Variants in PLBD1 observed in about 807,000 individuals in gnomAD.
PLBD1 encodes the protein phospholipase B domain containing 1.
PLBD1 carries 60 observed loss-of-function variants against 63.0 expected under a neutral mutation model. The observed-to-expected ratio is 0.95, with a 90% CI of 0.77 to 1.18. PLBD1 has a LOEUF of 1.18. Among genes scored for constraint, PLBD1 ranks in the 50% most tolerant of loss-of-function variants. PLBD1 has a pLI of 0.00. For synonymous variants in PLBD1, 262 were observed against 248.0 expected, an observed-to-expected ratio of 1.06 and a Z score of -0.53; for missense variants, 598 against 677.9, an observed-to-expected ratio of 0.88 and a Z score of 1.31.
At chr12:14,541,386 AGTT>A (rs1176128691) in intron 3 of PLBD1, among the ~76,000 whole-genome samples, 4 of 152,352 alleles carry the variant, frequency 2.6e-5, no homozygotes, top group South Asian at 2.1e-4. Flanking sequence ...ATTCCGTTTC[AGTT>A]GTTATTAGTA....
At chr12:14,536,836 C>A (rs1054694136) in intron 4 of PLBD1, 126 bp from the exon 5 acceptor site, 14 of 1,303,170 alleles carry the variant, frequency 1.1e-5, no homozygotes, top group Non-Finnish European at 1.4e-5. Context: ...CGCCTGTAAT[C>A]CCAGCACTTT....
intron 6 of PLBD1, among the ~76,000 whole-genome samples, chr12:14,517,260 C>T (rs531991955): frequency 1.3e-5 from 2 of 152,254 alleles, no homozygotes; most frequent in South Asian, 4.1e-4. Flanking sequence ...GATCCTCCCA[C>T]CAGGCCTCCT....
chr12:14,537,267 G>A (rs1031672945), intron 4 of PLBD1, among the ~76,000 whole-genome samples: 2 of 152,074 alleles, frequency 1.3e-5, no homozygotes, highest in African/African-American at 4.8e-5. Flanking sequence ...GTAAAACAGA[G>A]CTTTCTGTTT....
chr12:14,514,512 A>G (rs569207398), intron 6 of PLBD1, among the ~76,000 whole-genome samples: 1 of 152,354 alleles, frequency 6.6e-6, no homozygotes, highest in South Asian at 2.1e-4. Context: ...CTTTCATTTA[A>G]AGGCAAGATT....
intron 4 of PLBD1, among the ~76,000 whole-genome samples, chr12:14,538,432 G>C (rs1592003712): frequency 6.6e-6 from 1 of 152,124 alleles, no homozygotes; most frequent in East Asian, 1.9e-4. Flanking sequence ...GACCTCAGGT[G>C]ATCCACCCAC....
intron 1 of PLBD1, among the ~76,000 whole-genome samples, chr12:14,554,438 C>T (rs932676232): frequency 3.3e-5 from 5 of 152,140 alleles, no homozygotes; most frequent in African/African-American, 1.2e-4. Flanking sequence ...ATCCTGTGAC[C>T]CAACAGAGCT....
rs959565207 is a variant in PLBD1 at position 14,566,366 on chromosome 12, T to C, written c.115+1216A>G. On this transcript the variant is annotated intron_variant, in intron 1 of 10. Transcript: ENST00000240617. ...GAAGGCTCTTGATGATGGAAGGTAG[T>C]GTAATAAGAATCAGTACACATATTT... Among the ~76,000 whole-genome samples, 5 of 152,278 alleles carry C rather than the reference T, an allele frequency of 3.3e-5. No individual in the cohort carries two copies. In the South Asian group the frequency reaches 6.2e-4, roughly 19 times the overall value.
chr12:14,516,814 G>A (rs545979794), intron 6 of PLBD1, among the ~76,000 whole-genome samples: 6 of 152,152 alleles, frequency 3.9e-5, no homozygotes, highest in Middle Eastern at 3.4e-3. Flanking sequence ...AGAGGAGGGC[G>A]GATCACCTGA....
At chr12:14,534,574 C>CGCCCA (rs1210788725) in intron 6 of PLBD1, among the ~76,000 whole-genome samples, 103 of 145,680 alleles carry the variant, frequency 7.1e-4, no homozygotes, top group Non-Finnish European at 1.4e-3. Context: ...GACGGAGTCT[C>CGCCCA]GCTCTGTCGC....
intron 6 of PLBD1, among the ~76,000 whole-genome samples, chr12:14,521,877 T>A (rs1945379637): frequency 6.6e-6 from 1 of 151,914 alleles, no homozygotes; most frequent in Non-Finnish European, 1.5e-5. Context: ...AGATTCAAGA[T>A]AATATAGATA....
At chr12:14,550,917 C>G (rs1320090028) in intron 2 of PLBD1, among the ~76,000 whole-genome samples, 1 of 151,884 alleles carries the variant, frequency 6.6e-6, no homozygotes, top group Non-Finnish European at 1.5e-5. Flanking sequence ...GTGGCTCACA[C>G]CTGTAGGCTC....
rs563650478 is a variant in PLBD1 at position 14,541,027 on chromosome 12, G to T, written c.420-125C>A. The stretch of plus-strand genomic sequence containing the variant: ...TAATGTGATTTAAATTCTAGATCTT[G>T]TAACACTCCAGTCACTCAAAGGACT... On this transcript the variant is annotated intron_variant, in intron 3 of 10. Coordinates refer to ENST00000240617, the MANE Select transcript of PLBD1 (RefSeq NM_024829.6). The T allele has an allele frequency of 3.7e-4, 388 of 1,056,110 alleles. 2 individuals are homozygous for T. The African/African-American group carries it at 5.6e-3, about 15-fold the overall frequency. The allele number at this position is 1,056,110 out of a possible 1,614,324, so 65.4% of individuals were successfully genotyped here.
intron 1 of PLBD1, among the ~76,000 whole-genome samples, chr12:14,565,158 A>C (rs898749324): frequency 6.6e-6 from 1 of 152,192 alleles, no homozygotes; most frequent in African/African-American, 2.4e-5. Context: ...TACAAATTGA[A>C]GAATATGCAA....
chr12:14,536,844 T>A (rs1013738495), intron 4 of PLBD1, 134 bp from the exon 5 acceptor site: 1 of 1,183,264 alleles, frequency 8.5e-7, no homozygotes, highest in Non-Finnish European at 1.2e-6. Context: ...ATCCCAGCAC[T>A]TTGGGAGGCC....
At chr12:14,535,930 G>A (rs1945510472) in intron 5 of PLBD1, 127 bp from the exon 6 acceptor site, 1 of 930,216 alleles carries the variant, frequency 1.1e-6, no homozygotes, top group African/African-American at 1.7e-5. Context: ...CTGATTATTG[G>A]AAAATATGGC....
chr12:14,540,842 T>C lies in PLBD1; in HGVS notation c.480A>G (p.Arg160=), dbSNP rs779973093. 8.7e-6 allele frequency: 14 copies of C among 1,611,318 alleles called. No individual in the cohort carries two copies. In the East Asian group the frequency reaches 2.2e-4, roughly 26 times the overall value. Residue 160 remains arginine, a synonymous_variant, in exon 4 of 11, where the codon AGA becomes AGG. Transcript: ENST00000240617. ...IKEYKTDSFW[R]HTGYVMAQID... is the part of the protein sequence containing the mutation. ...TTTGTGCCATCACATAGCCTGTATG[T>C]CTCCAAAATGAATCAGTCTTGTATT...
At chr12:14,548,705 G>C (rs1385945722) in intron 2 of PLBD1, among the ~76,000 whole-genome samples, 1 of 152,154 alleles carries the variant, frequency 6.6e-6, no homozygotes, top group Non-Finnish European at 1.5e-5. Context: ...ACATATTAAT[G>C]TAAGTAAAAG....
intron 6 of PLBD1, among the ~76,000 whole-genome samples, chr12:14,526,470 G>A (rs1945416264): frequency 6.6e-6 from 1 of 152,152 alleles, no homozygotes; most frequent in Non-Finnish European, 1.5e-5. Flanking sequence ...ATCAAATGAT[G>A]ACCTAAATTT....
chr12:14,512,864 G>T (rs1002749990), intron 6 of PLBD1, among the ~76,000 whole-genome samples: 1 of 152,174 alleles, frequency 6.6e-6, no homozygotes, highest in African/African-American at 2.4e-5. Context: ...GTCACAGAGA[G>T]AAGGCACTGT....
Sources: allele counts gnomAD v4.1 joint callset (sites outside exome capture counted in the v4.1 genomes callset), GRCh38; gene constraint gnomAD v4.1.1; transcripts MANE v1.5; gene names NCBI Gene and HGNC (gene_info 2026-07-23, HGNC 2026-07-21).